The following EYS variants were observed in gnomAD, a reference collection of about 807,000 sequenced individuals.
The protein encoded by EYS is EGF-like photoreceptor maintenance factor.
EYS carries 250 observed loss-of-function variants against 282.1 expected under a neutral mutation model. The ratio of observed to expected loss-of-function variants is 0.89; its 90% CI spans 0.80 to 0.98. EYS has a LOEUF of 0.98. EYS is among the 50% of genes least tolerant of loss of function. The pLI, the probability that EYS is intolerant of heterozygous loss-of-function variation, is 0.00. For missense variants in EYS, 4,016 were observed against 3,709.0 expected, an observed-to-expected ratio of 1.08 and a Z score of -2.15; for synonymous variants, 1,355 against 1,282.9, an observed-to-expected ratio of 1.06 and a Z score of -1.20.
intron 26 of EYS, among the ~76,000 whole-genome samples, chr6:64,488,402 A>G (rs1192305649): frequency 6.6e-6 from 1 of 151,086 alleles, no homozygotes; most frequent in Non-Finnish European, 1.5e-5. Flanking sequence ...AAAATCAAAA[A>G]GAGATGTAAT....
At chr6:64,126,877 GTATT>G (rs1468443802) in intron 31 of EYS, among the ~76,000 whole-genome samples, 3 of 151,696 alleles carry the variant, frequency 2.0e-5, no homozygotes, top group Non-Finnish European at 4.4e-5. Flanking sequence ...ATATATGTAT[GTATT>G]CAAATATATA....
chr6:65,141,255 C>G (rs533519664), intron 12 of EYS, among the ~76,000 whole-genome samples: 1 of 152,120 alleles, frequency 6.6e-6, no homozygotes, highest in Admixed American at 6.6e-5. Context: ...AAAAACCAAA[C>G]ACCGCATGTT....
chr6:65,074,990 T>A (rs986692991), intron 12 of EYS, among the ~76,000 whole-genome samples: 1 of 152,208 alleles, frequency 6.6e-6, no homozygotes, highest in Middle Eastern at 3.4e-3. Flanking sequence ...AAAAGTCACA[T>A]GATGTAATAC....
chr6:65,180,185 A>G (rs1042340990), intron 12 of EYS, among the ~76,000 whole-genome samples: 2 of 152,054 alleles, frequency 1.3e-5, no homozygotes, highest in African/African-American at 4.8e-5. Flanking sequence ...TATTCAACAT[A>G]CTGTTGGAAG....
intron 35 of EYS, among the ~76,000 whole-genome samples, chr6:63,922,761 G>C (rs1057204735): frequency 6.6e-6 from 1 of 152,202 alleles, no homozygotes; most frequent in Non-Finnish European, 1.5e-5. Context: ...AATTTTGAGA[G>C]AGTGATTTTA....
intron 26 of EYS, among the ~76,000 whole-genome samples, chr6:64,538,030 C>T (rs192677968): frequency 3.3e-5 from 5 of 152,078 alleles, no homozygotes; most frequent in Middle Eastern, 6.8e-3. Context: ...CCATAGATGT[C>T]ATGATTAAAC....
At chr6:65,155,334 T>C (rs368978256) in intron 12 of EYS, among the ~76,000 whole-genome samples, 1 of 151,494 alleles carries the variant, frequency 6.6e-6, no homozygotes, top group Non-Finnish European at 1.5e-5. Context: ...AGGGCTGTCG[T>C]GCCCACACCA....
intron 12 of EYS, among the ~76,000 whole-genome samples, chr6:65,114,100 TA>T (rs1775297720): frequency 6.6e-6 from 1 of 151,964 alleles, no homozygotes; most frequent in Non-Finnish European, 1.5e-5. Flanking sequence ...TGAATATATT[TA>T]ATACAAATAA....
chr6:64,320,487 T>G (rs180892344), intron 29 of EYS, among the ~76,000 whole-genome samples: 19 of 152,000 alleles, frequency 1.3e-4, no homozygotes, highest in African/African-American at 4.3e-4. Context: ...GTTGAGGTAT[T>G]ATATTTTTAT....
chr6:64,744,525 C>T (rs998423852), intron 22 of EYS, among the ~76,000 whole-genome samples: 1 of 152,106 alleles, frequency 6.6e-6, no homozygotes, highest in Non-Finnish European at 1.5e-5. Flanking sequence ...TATACGCAAC[C>T]AGTATCAGAA....
chr6:64,987,970 A>G (rs1224895471), intron 14 of EYS, among the ~76,000 whole-genome samples: 4 of 151,486 alleles, frequency 2.6e-5, no homozygotes, highest in African/African-American at 4.8e-5. Context: ...TATGTTTAAC[A>G]TGATATTTAA....
chr6:64,624,004 G>A (rs534767467), intron 23 of EYS, among the ~76,000 whole-genome samples: 5 of 152,204 alleles, frequency 3.3e-5, no homozygotes, highest in East Asian at 1.9e-4. Flanking sequence ...TGTTGGGGAC[G>A]TGTCAATAGC....
chr6:64,593,449 A>G, intron 24 of EYS, 140 bp from the exon 25 acceptor site: 1 of 603,854 alleles, frequency 1.7e-6, no homozygotes, highest in Non-Finnish European at 2.6e-6. Flanking sequence ...TTGAAAATTA[A>G]ATCTCCATAG....
chr6:64,505,352 C>T (rs1777174936), intron 26 of EYS, among the ~76,000 whole-genome samples: 1 of 152,108 alleles, frequency 6.6e-6, no homozygotes, highest in Non-Finnish European at 1.5e-5. Context: ...TTATCATAGG[C>T]CACCTCAAAT....
intron 12 of EYS, among the ~76,000 whole-genome samples, chr6:65,095,266 G>A (rs1223851015): frequency 1.3e-5 from 2 of 151,100 alleles, no homozygotes; most frequent in East Asian, 3.9e-4. Flanking sequence ...AGTATTGGGG[G>A]ACTGGGAGAT....
chr6:64,814,189 C>A (rs1249162658), intron 21 of EYS, among the ~76,000 whole-genome samples: 2 of 152,044 alleles, frequency 1.3e-5, no homozygotes, highest in Non-Finnish European at 2.9e-5. Flanking sequence ...CCTGTAGCTG[C>A]AGAAGTGCAA....
At chr6:64,447,710 A>G (rs1156490994) in intron 26 of EYS, among the ~76,000 whole-genome samples, 1 of 152,238 alleles carries the variant, frequency 6.6e-6, no homozygotes, top group African/African-American at 2.4e-5. Flanking sequence ...AGACTCCTCA[A>G]TGTGGCTAAA....
chr6:64,497,601 TG>T (rs1437774323), intron 26 of EYS, among the ~76,000 whole-genome samples: 1 of 151,852 alleles, frequency 6.6e-6, no homozygotes, highest in Non-Finnish European at 1.5e-5. Flanking sequence ...TACTGAAAAG[TG>T]TAGGTAGAGG....
intron 13 of EYS, among the ~76,000 whole-genome samples, chr6:65,038,913 C>T (rs1176649180): frequency 2.6e-5 from 4 of 151,332 alleles, no homozygotes; most frequent in African/African-American, 4.8e-5. Context: ...GAATTATAAG[C>T]GCTGTCTGGA....
Sources: allele counts gnomAD v4.1 joint callset (sites outside exome capture counted in the v4.1 genomes callset), GRCh38; gene constraint gnomAD v4.1.1; transcripts MANE v1.5; gene names NCBI Gene and HGNC (gene_info 2026-07-23, HGNC 2026-07-21).